FGD1: variants seen among roughly 807,000 people sequenced by gnomAD.
FGD1 encodes the protein FYVE, RhoGEF and PH domain containing 1, also known as FYVE, RhoGEF and PH domain-containing protein 1.
A neutral mutation model predicts 65.0 loss-of-function variants in FGD1; 12 were observed. That is an observed-to-expected ratio of 0.18 (90% CI 0.12 to 0.30). The LOEUF (loss-of-function observed/expected upper bound fraction) is 0.30. Ranked by LOEUF, FGD1 falls within the 10% of genes least tolerant of loss-of-function variation. The probability of loss-of-function intolerance (pLI) is 1.00; values close to 1 mark genes in which losing one functional copy is unlikely to be tolerated. For synonymous variants in FGD1, 333 were observed against 343.9 expected (o/e 0.97, Z 0.35); for missense variants, 542 against 837.6 (o/e 0.65, Z 4.36).
At chrX:54,481,767 T>C (rs1384225952) in intron 1 of FGD1, among the ~76,000 whole-genome samples, 1 of 106,468 alleles carries the variant, frequency 9.4e-6, no homozygotes, top group African/African-American at 3.4e-5. Context: ...GGAAGAAGAG[T>C]GGGCAAAAGT....
At chrX:54,461,628 A>G (rs1922638083) in intron 8 of FGD1, among the ~76,000 whole-genome samples, 1 of 103,079 alleles carries the variant, frequency 9.7e-6, no homozygotes, top group Non-Finnish European at 2.0e-5. Context: ...AAAAAAAAAG[A>G]AAAAGAAAAA....
chrX:54,493,152 C>T lies in FGD1; in HGVS notation c.307+1974G>A, dbSNP rs548391938. Reference sequence around the variant, plus strand: ...GGTCTAGACATTGCCCAGCTACTGACTTTCAGATCAAGAGTATCCAGAGGG... The same window carrying T: ...GGTCTAGACATTGCCCAGCTACTGATTTTCAGATCAAGAGTATCCAGAGGG... On this transcript the variant is annotated intron_variant, in intron 1 of 17. Coordinates refer to ENST00000375135, the MANE Select transcript of FGD1 (RefSeq NM_004463.3). Among the ~76,000 whole-genome samples the T allele has an allele frequency of 5.7e-4, 64 of 111,408 alleles. 1 individual carries two copies. In the South Asian group the frequency reaches 0.024, roughly 41 times the overall value.
At chrX:54,447,073 C>T (rs1601947359) in intron 17 of FGD1, among the ~76,000 whole-genome samples, 2 of 111,699 alleles carry the variant, frequency 1.8e-5, no homozygotes, top group South Asian at 3.8e-4. Context: ...AGTTCCCCAT[C>T]TCTACTCCTT....
At chrX:54,460,876 C>T (rs769712707) in intron 8 of FGD1, among the ~76,000 whole-genome samples, 5 of 112,710 alleles carry the variant, frequency 4.4e-5, no homozygotes, top group African/African-American at 1.6e-4. Context: ...ATTTATTGAG[C>T]CTTTACCATG....
intron 8 of FGD1, among the ~76,000 whole-genome samples, chrX:54,461,392 G>C (rs1194731650): frequency 1.8e-5 from 2 of 108,405 alleles, no homozygotes; most frequent in African/African-American, 6.7e-5. Flanking sequence ...CACGAGGTCA[G>C]GAGTTCGAGA....
chrX:54,495,088 T>A, intron 1 of FGD1, 38 bp downstream of exon 1: 1 of 1,152,192 alleles, frequency 8.7e-7, no homozygotes, highest in Admixed American at 2.6e-5. Flanking sequence ...ACCAGGCCCG[T>A]GGCCCGGGCT....
Position 54,445,886 on chromosome X carries a change from C to T in FGD1, c.*223G>A. 4.9e-6 allele frequency: 2 copies of T among 408,032 alleles called. No homozygotes were observed. Among genetic ancestry groups the T allele is most frequent in the Non-Finnish European group, 8.5e-6 (2 of 236,366 alleles). 33.6% of individuals were successfully genotyped at this position (408,032 alleles called of 1,213,427 possible). On this transcript the variant is annotated 3_prime_UTR_variant, in exon 18 of 18. Transcript: ENST00000375135. ...CAACGGCTCCCACCCTCCCTGGGGACAGGGATTAATAAAAATTGACATCAC... is the reference window on the plus strand; with the variant it reads ...CAACGGCTCCCACCCTCCCTGGGGATAGGGATTAATAAAAATTGACATCAC...
At chrX:54,452,555 G>T (rs1922403931) in intron 12 of FGD1, among the ~76,000 whole-genome samples, 1 of 110,176 alleles carries the variant, frequency 9.1e-6, no homozygotes, top group Admixed American at 9.8e-5. Context: ...AGACCAGCCT[G>T]GCCAATATGG....
At chrX:54,475,151 T>C (rs1922989467) in intron 1 of FGD1, among the ~76,000 whole-genome samples, 2 of 112,163 alleles carry the variant, frequency 1.8e-5, no homozygotes, top group South Asian at 7.4e-4. Flanking sequence ...CTCTGCCTCC[T>C]TGCAGGCAGC....
In FGD1 at chrX:54,469,492, G is replaced by A. The variant is rs767503349; in HGVS notation, c.1101+524C>T. On this transcript the variant is annotated intron_variant, in intron 4 of 17. Coordinates refer to ENST00000375135, the MANE Select transcript of FGD1 (RefSeq NM_004463.3). Reference sequence around the variant, plus strand: ...AGGGCTTGCTGAGTACCTGGGGTGTGAGAAAAGCACAAAAGTATAAGAACG... The same window carrying A: ...AGGGCTTGCTGAGTACCTGGGGTGTAAGAAAAGCACAAAAGTATAAGAACG... 8.0e-5 allele frequency among the ~76,000 whole-genome samples: 9 copies of A among 112,397 alleles called. No individual in the cohort carries two copies. The Admixed American group carries it at 8.5e-4, about 11-fold the overall frequency.
intron 1 of FGD1, among the ~76,000 whole-genome samples, chrX:54,494,517 T>C (rs1394983691): frequency 1.9e-5 from 2 of 107,120 alleles, no homozygotes; most frequent in East Asian, 2.9e-4. Flanking sequence ...CAGCCTCAGT[T>C]TGGGGAAGCA....
chrX:54,485,900 G>A (rs1476035894), intron 1 of FGD1, among the ~76,000 whole-genome samples: 1 of 108,157 alleles, frequency 9.2e-6, no homozygotes, highest in Non-Finnish European at 1.9e-5. Flanking sequence ...TCAGTCTCCC[G>A]AGTAGCTGGG....
In FGD1 at chrX:54,494,578, C is replaced by G. The variant is rs372454541; in HGVS notation, c.307+548G>C. ...ACAGATCTGGTTTGAATCGTGGCTC[C>G]ATACTAGCTGTGTGACCTTGGGCAA... On this transcript the variant is annotated intron_variant, in intron 1 of 17. Coordinates refer to ENST00000375135, the MANE Select transcript of FGD1 (RefSeq NM_004463.3). Among the ~76,000 whole-genome samples, 8 of 109,224 alleles carry G rather than the reference C, an allele frequency of 7.3e-5. 1 individual carries two copies. The East Asian group carries it at 2.3e-3, about 31-fold the overall frequency. 94.8% of individuals were successfully genotyped at this position (109,224 alleles called of 115,157 possible). A position where few individuals can be genotyped will look rare whatever the true frequency, so the allele number is the denominator to read the frequency against.
At position 54,470,587 on chromosome X, in the gene FGD1, C is replaced by G; in HGVS notation, c.655G>C (p.Glu219Gln). ...TGCCCTAGGGACCAGACTCACCTTT[C>G]AAACTTCTCAATCAGTGAGGATACT... ...AAVSSLIEKFEREPVIVASDR... is the reference protein window; with the variant it reads ...AAVSSLIEKFQREPVIVASDR... The change falls in exon 3 of 18, where the codon GAA becomes CAA. Residue 219 changes from glutamate (E) to glutamine (Q), a missense_variant. Glu to Gln is a conservative substitution (Grantham distance 29). Coordinates refer to ENST00000375135, the MANE Select transcript of FGD1 (RefSeq NM_004463.3). 3 of 1,208,647 alleles carry G rather than the reference C, an allele frequency of 2.5e-6. No homozygotes were observed. Among genetic ancestry groups the G allele is most frequent in the Non-Finnish European group, 3.4e-6 (3 of 894,036 alleles).
intron 1 of FGD1, among the ~76,000 whole-genome samples, chrX:54,478,281 G>A (rs926835662): frequency 2.7e-5 from 3 of 111,465 alleles, no homozygotes; most frequent in Non-Finnish European, 5.6e-5. Context: ...CCAGACTCTT[G>A]TCCACTTAAG....
rs1057418327 is a variant in FGD1 at position 54,449,051 on chromosome X, T to TC, written c.2275-85dup. 4.2e-6 allele frequency: 5 copies of TC among 1,194,934 alleles called. No homozygotes were observed. The South Asian group carries it at 5.3e-5, about 13-fold the overall frequency. ...CAACTCCCACAGCAGACTTGTGGCC[T>TC]CCCCCCACTTGGAGGGTACCCACTC... On this transcript the variant is annotated intron_variant, in intron 15 of 17. Coordinates refer to ENST00000375135, the MANE Select transcript of FGD1 (RefSeq NM_004463.3).
chrX:54,466,851 A>T (rs1922772851), intron 6 of FGD1, among the ~76,000 whole-genome samples: 1 of 108,059 alleles, frequency 9.3e-6, no homozygotes, highest in Non-Finnish European at 1.9e-5. Flanking sequence ...CCAGGTTCAC[A>T]CCATTCTCCT....
rs1922179294 is a variant in FGD1 at position 54,446,398 on chromosome X, C to T, written c.2597G>A (p.Arg866His). 2.5e-6 allele frequency: 3 copies of T among 1,209,744 alleles called. No homozygotes were observed. Among genetic ancestry groups the T allele is most frequent in the South Asian group, 1.8e-5 (1 of 56,391 alleles). The change falls in exon 18 of 18, where the codon CGC becomes CAC. Residue 866 changes from arginine (R) to histidine (H), a missense_variant. Around this residue, in one of 6 missense-constraint regions of FGD1, gnomAD observed 182 missense variants for 311.4 expected, o/e 0.58. Transcript: ENST00000375135. ...CTCGAAGCCAATGAGGGGCAGGCTG[C>T]GCTGGGCTTTCACATCCTGGCGGGA... Reference protein sequence around the residue: ...YGAPQDVKAQRSLPLIGFEVG... With the variant: ...YGAPQDVKAQHSLPLIGFEVG...
At chrX:54,479,432 CTGGGCCCCAA>C (rs1280760276) in intron 1 of FGD1, among the ~76,000 whole-genome samples, 2 of 111,803 alleles carry the variant, frequency 1.8e-5, no homozygotes, top group Admixed American at 9.5e-5. Flanking sequence ...CTTCAAAGCT[CTGGGCCCCAA>C]TTTCCCCATT....
Sources: allele counts gnomAD v4.1 joint callset (sites outside exome capture counted in the v4.1 genomes callset), GRCh38; gene constraint gnomAD v4.1.1; regional missense constraint gnomAD v4.1.1; transcripts MANE v1.5; gene names NCBI Gene and HGNC (gene_info 2026-07-23, HGNC 2026-07-21).